The following CUX2 variants were observed in gnomAD, a reference collection of about 807,000 sequenced individuals.
CUX2 encodes homeobox protein cut-like 2.
Under a neutral mutation model 144.8 loss-of-function variants are expected in CUX2, and 40 were observed. The observed-to-expected ratio is 0.28, with a 90% CI of 0.21 to 0.36. CUX2 has a LOEUF of 0.36. Ranked by LOEUF, CUX2 falls within the 10% of genes least tolerant of loss-of-function variation. The pLI, the probability that CUX2 is intolerant of heterozygous loss-of-function variation, is 1.00. For synonymous variants in CUX2, 827 were observed against 875.6 expected, an observed-to-expected ratio of 0.94 and a Z score of 0.98; for missense variants, 1,615 against 1,994.0, an observed-to-expected ratio of 0.81 and a Z score of 3.62.
chr12:111,113,648 A>G (rs1192693815), intron 1 of CUX2, among the ~76,000 whole-genome samples: 3 of 152,140 alleles, frequency 2.0e-5, no homozygotes, highest in Non-Finnish European at 4.4e-5. Flanking sequence ...TCCACCTCCC[A>G]GGTTCAAGTG....
At chr12:111,232,979 G>A (rs191924405) in intron 3 of CUX2, among the ~76,000 whole-genome samples, 19 of 152,272 alleles carry the variant, frequency 1.2e-4, no homozygotes, top group Non-Finnish European at 2.6e-4. Flanking sequence ...ACCTTCCTGG[G>A]GCTATGAGAG....
At chr12:111,292,589 C>T (rs991193686) in intron 5 of CUX2, among the ~76,000 whole-genome samples, 22 of 151,966 alleles carry the variant, frequency 1.4e-4, no homozygotes, top group African/African-American at 5.3e-4. Context: ...GACTCCATCT[C>T]AAAAAATAAA....
In CUX2 at chr12:111,039,676, C is replaced by T. The variant is rs998925682; in HGVS notation, c.63+5436C>T. 6.6e-6 allele frequency among the ~76,000 whole-genome samples: 1 copy of T among 152,142 alleles called. No individual in the cohort carries two copies. The highest frequency in any genetic ancestry group is 1.5e-5 in the Non-Finnish European group (1 of 68,026). On this transcript the variant is annotated intron_variant, in intron 1 of 21. Coordinates refer to ENST00000261726, the MANE Select transcript of CUX2 (RefSeq NM_015267.4). The surrounding 1 kb of genome is among the most constrained non-coding windows in gnomAD (Gnocchi z 4.2). Reference sequence around the variant, plus strand: ...ATTCCCAAGTAGTTGGAACTATAGGCGCATGCCACCACGCCTGGCTAATTT... The same window carrying T: ...ATTCCCAAGTAGTTGGAACTATAGGTGCATGCCACCACGCCTGGCTAATTT...
At chr12:111,176,374 G>C (rs1018190072) in intron 1 of CUX2, among the ~76,000 whole-genome samples, 4 of 152,054 alleles carry the variant, frequency 2.6e-5, no homozygotes, top group Non-Finnish European at 4.4e-5. Context: ...AATGAGCTTG[G>C]GGATCGGGGA....
At chr12:111,156,700 G>T (rs532101168) in intron 1 of CUX2, among the ~76,000 whole-genome samples, 7 of 152,240 alleles carry the variant, frequency 4.6e-5, no homozygotes, top group Admixed American at 2.0e-4. Context: ...AAACAAAGCC[G>T]AGTGCGGTGG....
chr12:111,322,581 G>T lies in CUX2; in HGVS notation c.2926+1G>T. The T allele has an allele frequency of 6.2e-7, 1 of 1,607,106 alleles. No individual in the cohort carries two copies. On this transcript the variant is annotated splice_donor_variant, in intron 18 of 21. Transcript: ENST00000261726. LOFTEE classifies it high-confidence loss of function. This position sits in a 1 kb window ranked among gnomAD's most constrained non-coding sequence, Gnocchi z 4.2. ...GGCCAGCAGCCTGGTGCCTCCCAGG[G>T]TGAGTGCGGGCAGGAGCATCTCAGG...
At chr12:111,345,966 A>G (rs944785850) in intron 21 of CUX2, among the ~76,000 whole-genome samples, 1 of 144,236 alleles carries the variant, frequency 6.9e-6, no homozygotes, top group African/African-American at 2.6e-5. Flanking sequence ...AAAAATTAGC[A>G]TGGTGACATG....
chr12:111,092,996 T>G (rs1872629207), intron 1 of CUX2, among the ~76,000 whole-genome samples: 1 of 151,978 alleles, frequency 6.6e-6, no homozygotes, highest in Non-Finnish European at 1.5e-5. Context: ...TTGTATTTTT[T>G]GTAGAGACAA....
At chr12:111,265,117 C>A (rs193134800) in intron 4 of CUX2, among the ~76,000 whole-genome samples, 1 of 151,966 alleles carries the variant, frequency 6.6e-6, no homozygotes, top group African/African-American at 2.4e-5. Flanking sequence ...TCAACCTGTA[C>A]TATTGGAAAT....
In CUX2 at chr12:111,335,448, C is replaced by T. The variant is rs1485524350; in HGVS notation, c.3196+738C>T. Among the ~76,000 whole-genome samples the T allele has an allele frequency of 2.0e-5, 3 of 151,846 alleles. 1 individual carries two copies. The highest frequency in any genetic ancestry group is 4.2e-4 in the South Asian group (2 of 4,804). ...AAAACAAGCTGGGCCCGGTGCCTCA[C>T]GCCTGTAACCTCAGCACTTTGGGAG... On this transcript the variant is annotated intron_variant, in intron 19 of 21. Coordinates refer to ENST00000261726, the MANE Select transcript of CUX2 (RefSeq NM_015267.4).
chr12:111,275,918 A>T (rs1305723838), intron 4 of CUX2, among the ~76,000 whole-genome samples: 1 of 152,166 alleles, frequency 6.6e-6, no homozygotes, highest in Non-Finnish European at 1.5e-5. Context: ...CAGATTCAGT[A>T]ACATCCATTT....
chr12:111,097,790 TG>T (rs1783294017), intron 1 of CUX2, among the ~76,000 whole-genome samples: 1 of 152,112 alleles, frequency 6.6e-6, no homozygotes, highest in African/African-American at 2.4e-5. Context: ...GTTTTGTACC[TG>T]GGGCACAGCA....
chr12:111,170,850 C>T (rs1878477346), intron 1 of CUX2, among the ~76,000 whole-genome samples: 3 of 151,990 alleles, frequency 2.0e-5, no homozygotes. Flanking sequence ...ACCTCGGGCC[C>T]AGCGTGGTAG....
At chr12:111,192,991 A>G (rs575122147) in intron 1 of CUX2, among the ~76,000 whole-genome samples, 1 of 152,352 alleles carries the variant, frequency 6.6e-6, no homozygotes, top group South Asian at 2.1e-4. Flanking sequence ...AGGTTCCTCC[A>G]TCATTTTTAA....
chr12:111,123,834 A>T (rs779196542), intron 1 of CUX2, among the ~76,000 whole-genome samples: 4 of 152,152 alleles, frequency 2.6e-5, no homozygotes, highest in Non-Finnish European at 5.9e-5. Context: ...CCGCGCCCAG[A>T]CAAACTTAAT....
At position 111,293,384 on chromosome 12, in the gene CUX2, C is replaced by A; in HGVS notation, c.437-62C>A. The A allele has an allele frequency of 1.3e-6, 2 of 1,543,798 alleles. No individual in the cohort carries two copies. The highest frequency in any genetic ancestry group is 8.7e-7 in the Non-Finnish European group (1 of 1,145,276). On this transcript the variant is annotated intron_variant, in intron 5 of 21. Coordinates refer to ENST00000261726, the MANE Select transcript of CUX2 (RefSeq NM_015267.4). This position sits in a 1 kb window ranked among gnomAD's most constrained non-coding sequence, Gnocchi z 4.5. ...AATGATCGATCCGGTTTACAGAAAGCGGCTCTGGCTGCCACGTTGCTCTCT... is the reference window on the plus strand; with the variant it reads ...AATGATCGATCCGGTTTACAGAAAGAGGCTCTGGCTGCCACGTTGCTCTCT...
At chr12:111,051,081 G>A (rs962331132) in intron 1 of CUX2, among the ~76,000 whole-genome samples, 37 of 152,236 alleles carry the variant, frequency 2.4e-4, no homozygotes, top group African/African-American at 8.7e-4. Context: ...TGCATGTAAC[G>A]AAATATTACA....
At chr12:111,205,176 G>A (rs576848066) in intron 1 of CUX2, among the ~76,000 whole-genome samples, 12 of 152,208 alleles carry the variant, frequency 7.9e-5, no homozygotes, top group Non-Finnish European at 1.8e-4. Context: ...CTTATGGCAG[G>A]CCGGCGGGTG....
rs996919524 is a variant in CUX2, at chr12:111,336,397, C to A, written c.3196+1687C>A. Among the ~76,000 whole-genome samples, 6 of 151,102 alleles carry A rather than the reference C, an allele frequency of 4.0e-5. No homozygotes were observed. The East Asian group carries it at 1.2e-3, about 30-fold the overall frequency. On this transcript the variant is annotated intron_variant, in intron 19 of 21. Transcript: ENST00000261726. ...TACTAAAAAAGTAAATAAATCCCTC[C>A]CCATTGGCCTCTCAGACACTTCAGT...
Sources: allele counts gnomAD v4.1 joint callset (sites outside exome capture counted in the v4.1 genomes callset), GRCh38; gene constraint gnomAD v4.1.1; non-coding constraint Gnocchi (gnomAD v3.1); transcripts MANE v1.5; gene names NCBI Gene and HGNC (gene_info 2026-07-23, HGNC 2026-07-21).